COX10: variants seen among roughly 807,000 people sequenced by gnomAD.
COX10 encodes protoheme IX farnesyltransferase, mitochondrial.
A neutral mutation model predicts 37.3 loss-of-function variants in COX10; 27 were observed. That is an observed-to-expected ratio of 0.72 (90% CI 0.53 to 1.00). The LOEUF is 1.00. Ranked by LOEUF, COX10 falls within the 50% of genes least tolerant of loss-of-function variation. COX10 has a pLI of 0.00. For synonymous variants in COX10, 222 were observed against 229.1 expected (o/e 0.97, Z 0.28); for missense variants, 475 against 563.2 (o/e 0.84, Z 1.59).
At chr17:14,074,577 A>G in intron 2 of COX10, 121 bp downstream of exon 2, 1 of 954,488 alleles carries the variant, frequency 1.0e-6, no homozygotes, top group South Asian at 1.3e-5. Context: ...ACTTTTATTT[A>G]GTGTCCTTAA....
chr17:14,130,900 A>C (rs1916449897), intron 4 of COX10, among the ~76,000 whole-genome samples: 1 of 152,080 alleles, frequency 6.6e-6, no homozygotes, highest in Non-Finnish European at 1.5e-5. Flanking sequence ...TGATTCTTCA[A>C]ACACTGTTTG....
intron 6 of COX10, among the ~76,000 whole-genome samples, chr17:14,196,361 T>G (rs958775100): frequency 6.6e-6 from 1 of 152,176 alleles, no homozygotes; most frequent in African/African-American, 2.4e-5. Context: ...TCTCTTAACT[T>G]ACCCCAAACT....
intron 4 of COX10, among the ~76,000 whole-genome samples, chr17:14,128,708 TTA>T (rs1304554373): frequency 1.3e-5 from 2 of 152,164 alleles, no homozygotes; most frequent in African/African-American, 4.8e-5. Context: ...GAAGGAGAAC[TTA>T]AGTACATTAT....
In COX10 at chr17:14,075,530, A is replaced by G. The variant is rs116991939; in HGVS notation, c.177+1074A>G. Among the ~76,000 whole-genome samples, 1,099 of 152,346 alleles carry G rather than the reference A, an allele frequency of 7.2e-3. 8 individuals carry two copies. Among genetic ancestry groups the G allele is most frequent in the South Asian group, 0.02 (97 of 4,828 alleles). Reference sequence around the variant, plus strand: ...AGAGAGAGAAAGAGAGGAGATACTAATAATGATCTATCTTCTTTGACAACT... The same window carrying G: ...AGAGAGAGAAAGAGAGGAGATACTAGTAATGATCTATCTTCTTTGACAACT... On this transcript the variant is annotated intron_variant, in intron 2 of 6. Coordinates refer to ENST00000261643, the MANE Select transcript of COX10 (RefSeq NM_001303.4).
intron 4 of COX10, among the ~76,000 whole-genome samples, chr17:14,126,892 A>G (rs1353903237): frequency 2.6e-5 from 4 of 152,138 alleles, no homozygotes; most frequent in African/African-American, 7.2e-5. Flanking sequence ...ATTAATCAGT[A>G]TGAGCATTAC....
At chr17:14,083,209 A>C (rs1915337782) in intron 3 of COX10, among the ~76,000 whole-genome samples, 1 of 152,210 alleles carries the variant, frequency 6.6e-6, no homozygotes, top group Non-Finnish European at 1.5e-5. Flanking sequence ...TTCTGGATGA[A>C]CTAATTGAAT....
intron 4 of COX10, among the ~76,000 whole-genome samples, chr17:14,120,847 T>C (rs1369309878): frequency 6.6e-6 from 1 of 152,228 alleles, no homozygotes; most frequent in Non-Finnish European, 1.5e-5. Flanking sequence ...GCTTCTCTAA[T>C]CAGTGGCTTT....
intron 1 of COX10, among the ~76,000 whole-genome samples, chr17:14,071,670 G>A (rs941178684): frequency 6.7e-6 from 1 of 150,278 alleles, no homozygotes; most frequent in African/African-American, 2.5e-5. Flanking sequence ...GACCACTTGA[G>A]GTCAGGAGTT....
chr17:14,123,174 G>A (rs1483058365), intron 4 of COX10, among the ~76,000 whole-genome samples: 1 of 152,120 alleles, frequency 6.6e-6, no homozygotes. Flanking sequence ...GGAAACTGAG[G>A]CCCAGCGTTA....
chr17:14,154,335 G>T (rs1567603303), intron 4 of COX10, among the ~76,000 whole-genome samples: 1 of 152,328 alleles, frequency 6.6e-6, no homozygotes, highest in East Asian at 1.9e-4. Context: ...TCTAACAATG[G>T]ATAATCTGTG....
intron 4 of COX10, among the ~76,000 whole-genome samples, chr17:14,122,957 G>A (rs1916261057): frequency 6.6e-6 from 1 of 152,224 alleles, no homozygotes; most frequent in South Asian, 2.1e-4. Context: ...CAGAATCCAA[G>A]CCAGGTCAGC....
intron 3 of COX10, among the ~76,000 whole-genome samples, chr17:14,100,462 C>T (rs755920133): frequency 1.3e-5 from 2 of 152,036 alleles, no homozygotes; most frequent in South Asian, 2.1e-4. Flanking sequence ...GGGAGACTTA[C>T]GTTAGATGAG....
chr17:14,083,567 A>T (rs1379634647), intron 3 of COX10, among the ~76,000 whole-genome samples: 1 of 152,242 alleles, frequency 6.6e-6, no homozygotes, highest in Admixed American at 6.5e-5. Context: ...GAAGGGCCAG[A>T]TAGTGCTCAT....
chr17:14,188,533 A>T (rs1660740250), intron 5 of COX10, among the ~76,000 whole-genome samples: 2 of 151,980 alleles, frequency 1.3e-5, no homozygotes, highest in South Asian at 2.1e-4. Context: ...CACTTTGGTA[A>T]GCAGTGATAC....
chr17:14,148,734 G>T (rs890581944), intron 4 of COX10, among the ~76,000 whole-genome samples: 1 of 151,972 alleles, frequency 6.6e-6, no homozygotes, highest in African/African-American at 2.4e-5. Flanking sequence ...AATCAAAGTA[G>T]GACTAGGAAG....
chr17:14,153,181 C>T (rs955563143), intron 4 of COX10, among the ~76,000 whole-genome samples: 3 of 152,122 alleles, frequency 2.0e-5, no homozygotes, highest in Non-Finnish European at 1.5e-5. Flanking sequence ...ATCTTTCAGC[C>T]GTACTAAACT....
chr17:14,114,199 G>A (rs1012344273), intron 4 of COX10, among the ~76,000 whole-genome samples: 22 of 152,040 alleles, frequency 1.4e-4, no homozygotes, highest in African/African-American at 3.6e-4. Flanking sequence ...CAGTTCACAC[G>A]TACATTAAGT....
intron 5 of COX10, among the ~76,000 whole-genome samples, chr17:14,167,589 A>G (rs754738965): frequency 3.3e-5 from 5 of 152,196 alleles, no homozygotes; most frequent in African/African-American, 4.8e-5. Context: ...AAGAGGTTTA[A>G]TTGACTCATA....
At chr17:14,107,685 ACACACACAC>A (rs1263520844) in intron 4 of COX10, among the ~76,000 whole-genome samples, 3 of 151,982 alleles carry the variant, frequency 2.0e-5, no homozygotes, top group African/African-American at 7.2e-5. Flanking sequence ...ACACACACAC[ACACACACAC>A]CACACACGAC....
Sources: gnomAD v4.1 joint callset for allele counts (sites outside exome capture counted in the v4.1 genomes callset) on GRCh38, gnomAD v4.1.1 for gene constraint, MANE v1.5 for transcripts, NCBI Gene and HGNC (gene_info 2026-07-23, HGNC 2026-07-21) for gene names.